The following ADGRL3 variants were observed in gnomAD, a reference collection of about 807,000 sequenced individuals.
ADGRL3 encodes adhesion G protein-coupled receptor L3.
A neutral mutation model predicts 153.5 loss-of-function variants in ADGRL3; 62 were observed. That is an observed-to-expected ratio of 0.40 (90% CI 0.33 to 0.50). The LOEUF is 0.50. Ranked by LOEUF, ADGRL3 falls within the 20% of genes least tolerant of loss-of-function variation. The pLI is 0.47. For missense variants in ADGRL3, 1,641 were observed against 1,859.4 expected, an observed-to-expected ratio of 0.88 and a Z score of 2.16; for synonymous variants, 710 against 672.5, an observed-to-expected ratio of 1.06 and a Z score of -0.86.
intron 2 of ADGRL3, among the ~76,000 whole-genome samples, chr4:61,434,976 ACT>A (rs904986036): frequency 5.3e-5 from 8 of 152,100 alleles, no homozygotes; most frequent in Non-Finnish European, 1.0e-4. Flanking sequence ...TAAAAATATC[ACT>A]CAAGTTCTAT....
At chr4:61,549,649 C>G (rs2098731325) in intron 4 of ADGRL3, among the ~76,000 whole-genome samples, 1 of 151,654 alleles carries the variant, frequency 6.6e-6, no homozygotes, top group East Asian at 1.9e-4. Flanking sequence ...ATCTGCCTAC[C>G]AAATTTTACT....
chr4:61,566,067 T>C (rs918542298), intron 4 of ADGRL3, among the ~76,000 whole-genome samples: 3 of 152,182 alleles, frequency 2.0e-5, no homozygotes, highest in Non-Finnish European at 2.9e-5. Context: ...CATTGAACTA[T>C]AGGAGTTTAT....
At chr4:61,486,318 G>T (rs963986878) in intron 2 of ADGRL3, among the ~76,000 whole-genome samples, 2 of 152,034 alleles carry the variant, frequency 1.3e-5, no homozygotes, top group African/African-American at 4.8e-5. Flanking sequence ...CACAGGATAA[G>T]GATGATACTG....
chr4:61,779,501 G>T (rs185900994), intron 8 of ADGRL3, among the ~76,000 whole-genome samples: 14 of 151,826 alleles, frequency 9.2e-5, no homozygotes, highest in African/African-American at 3.4e-4. Flanking sequence ...GGGCATGGTG[G>T]CAGGCACCTG....
At chr4:61,440,702 A>C (rs1251403078) in intron 2 of ADGRL3, among the ~76,000 whole-genome samples, 1 of 152,104 alleles carries the variant, frequency 6.6e-6, no homozygotes, top group Non-Finnish European at 1.5e-5. Context: ...TTGTTGGTCC[A>C]TGATGTTCTA....
chr4:61,543,260 T>C (rs995837811), intron 4 of ADGRL3, among the ~76,000 whole-genome samples: 1 of 151,398 alleles, frequency 6.6e-6, no homozygotes, highest in African/African-American at 2.4e-5. Context: ...GACATTGAGG[T>C]AGGGAGATTA....
intron 1 of ADGRL3, among the ~76,000 whole-genome samples, chr4:61,262,811 A>T (rs2092620245): frequency 6.6e-6 from 1 of 152,240 alleles, no homozygotes; most frequent in African/African-American, 2.4e-5. Context: ...AATAATTTGA[A>T]TTATGTGGAA....
chr4:61,338,699 T>A (rs914417312), intron 1 of ADGRL3, among the ~76,000 whole-genome samples: 2 of 152,206 alleles, frequency 1.3e-5, no homozygotes, highest in African/African-American at 4.8e-5. Flanking sequence ...TATGTACATA[T>A]GTGATTATTT....
intron 5 of ADGRL3, among the ~76,000 whole-genome samples, chr4:61,653,669 C>T (rs1434844993): frequency 6.6e-6 from 1 of 152,180 alleles, no homozygotes; most frequent in Non-Finnish European, 1.5e-5. Context: ...TGTCCCTCAG[C>T]ACTACCAGAT....
chr4:61,886,577 T>C (rs2098540185), intron 9 of ADGRL3, among the ~76,000 whole-genome samples: 1 of 145,502 alleles, frequency 6.9e-6, no homozygotes, highest in African/African-American at 2.5e-5. Flanking sequence ...TTAATACATT[T>C]TATGAGTAGA....
chr4:61,911,398 C>G (rs1170189980), intron 12 of ADGRL3, among the ~76,000 whole-genome samples: 2 of 151,926 alleles, frequency 1.3e-5, no homozygotes, highest in East Asian at 3.9e-4. Context: ...CTTTTGTTAC[C>G]CATTTGGCTC....
intron 5 of ADGRL3, among the ~76,000 whole-genome samples, chr4:61,671,083 C>A (rs1489636539): frequency 1.3e-5 from 2 of 152,096 alleles, no homozygotes; most frequent in Non-Finnish European, 2.9e-5. Flanking sequence ...TCTCTATCTG[C>A]CTAAACAGCC....
chr4:61,865,470 G>A (rs2098391298), intron 9 of ADGRL3, among the ~76,000 whole-genome samples: 1 of 152,108 alleles, frequency 6.6e-6, no homozygotes. Flanking sequence ...AGGATTTCAA[G>A]ACCAATCATA....
At chr4:61,739,745 C>T (rs1045170578) in intron 8 of ADGRL3, among the ~76,000 whole-genome samples, 10 of 152,132 alleles carry the variant, frequency 6.6e-5, no homozygotes, top group Non-Finnish European at 1.5e-4. Flanking sequence ...CCAGCTTCTC[C>T]CTTGCTTCAC....
In ADGRL3 at chr4:61,517,326, A is replaced by C; in HGVS notation, c.67A>C (p.Ser23Arg). Residue 23 changes from serine to arginine, a missense_variant, in exon 4 of 27, where the codon AGT becomes CGT. Physicochemically the swap from Ser to Arg is moderately radical, Grantham distance 110 (BLOSUM62 -1). Around this residue, in one of 5 missense-constraint regions of ADGRL3, gnomAD observed 145 missense variants for 79.1 expected, o/e 1.83. Coordinates refer to ENST00000683033, the MANE Select transcript of ADGRL3 (RefSeq NM_001387552.1). ...TGCGGTCCCCGCAGGTGGCAAGCAC[A>C]GTGAACGACATCCTGCCCTTGCTGC... ...LAPIIHGGKH[S>R]ERHPALAAPL... The C allele has an allele frequency of 1.4e-6, 1 of 703,088 alleles. No homozygotes were observed. The highest frequency in any genetic ancestry group is 2.6e-6 in the Non-Finnish European group (1 of 385,360). 43.6% of individuals were successfully genotyped at this position (703,088 alleles called of 1,614,324 possible). A position where few individuals can be genotyped will look rare whatever the true frequency, so the allele number is the denominator to read the frequency against.
At chr4:61,268,820 T>A (rs2092999477) in intron 1 of ADGRL3, among the ~76,000 whole-genome samples, 1 of 151,612 alleles carries the variant, frequency 6.6e-6, no homozygotes, top group South Asian at 2.1e-4. Context: ...ATGATCAAGT[T>A]GTTAAGATGG....
At chr4:61,485,012 G>A (rs187766208) in intron 2 of ADGRL3, among the ~76,000 whole-genome samples, 2 of 152,102 alleles carry the variant, frequency 1.3e-5, no homozygotes, top group African/African-American at 4.8e-5. Flanking sequence ...CTCTTAATCA[G>A]GCTAAAGTTA....
In ADGRL3 at chr4:61,979,772, A is replaced by G. The variant is rs1397548; in HGVS notation, c.3015A>G (p.Pro1005=). 0.7 allele frequency: 1,131,326 copies of G among 1,612,222 alleles called. 407,563 individuals are homozygous for G. Among genetic ancestry groups the G allele is most frequent in the Non-Finnish European group, 0.76 (890,291 of 1,178,628 alleles). ...FLIGINRTDQ[P]IACAVFAALL... is the part of the protein sequence containing the mutation. ...TTGGGATCAACCGAACTGACCAACC[A>G]GTAAGCAACCTACATTGATACCAGT... The change falls in exon 18 of 27, where the codon CCA becomes CCG. Residue 1005 remains proline (P), a splice_region_variant and synonymous_variant. Transcript: ENST00000683033.
intron 4 of ADGRL3, among the ~76,000 whole-genome samples, chr4:61,530,488 C>T (rs796643460): frequency 4.6e-5 from 7 of 152,082 alleles, no homozygotes; most frequent in African/African-American, 1.7e-4. Flanking sequence ...TAGAAAGCTC[C>T]ATGGCTCAGT....
Sources: allele counts gnomAD v4.1 joint callset (sites outside exome capture counted in the v4.1 genomes callset), GRCh38; gene constraint gnomAD v4.1.1; regional missense constraint gnomAD v4.1.1; transcripts MANE v1.5; gene names NCBI Gene and HGNC (gene_info 2026-07-23, HGNC 2026-07-21).